PLAGL1: variants seen among roughly 807,000 people sequenced by gnomAD.
The protein encoded by PLAGL1 is zinc finger protein PLAGL1.
A neutral mutation model predicts 4.6 loss-of-function variants in PLAGL1; 1 was observed. The observed-to-expected ratio is 0.22, with a 90% CI of 0.08 to 1.03. The LOEUF (loss-of-function observed/expected upper bound fraction) is 1.03, where lower values mean the gene tolerates loss of function less well. Ranked by LOEUF, PLAGL1 falls within the 50% of genes least tolerant of loss-of-function variation. The pLI is 0.58. For synonymous variants in PLAGL1, 240 were observed against 237.8 expected (o/e 1.01, Z -0.08); for missense variants, 464 against 570.4 (o/e 0.81, Z 1.90).
upstream of PLAGL1, among the ~76,000 whole-genome samples, chr6:144,012,083 G>A (rs916174100): frequency 1.3e-5 from 2 of 152,134 alleles, no homozygotes; most frequent in Non-Finnish European, 2.9e-5. This position sits in a 1 kb window ranked among gnomAD's most constrained non-coding sequence, Gnocchi z 4.8. Context: ...GACAAAGCAC[G>A]CCTCCATAGA....
chr6:144,017,023 GC>G (rs1440778687), intron 1 of PLAGL1, among the ~76,000 whole-genome samples: 1 of 151,968 alleles, frequency 6.6e-6, no homozygotes. Flanking sequence ...ATAATAGTAA[GC>G]AGCCACAGAG....
Position 143,973,486 on chromosome 6 carries a change from A to C in PLAGL1, c.-543-4508T>G, listed in dbSNP as rs989502292. On this transcript the variant is annotated intron_variant, in intron 2 of 7. Transcript: ENST00000674357. The surrounding 1 kb of genome is among the most constrained non-coding windows in gnomAD (Gnocchi z 6.2). ...GAGGGAGAAAACAAGCACGGGGGGA[A>C]GTCCTCTGCTTCTAGGGCCTGCTGA... is the stretch of plus-strand genomic sequence containing the variant. Among the ~76,000 whole-genome samples, 1 of 152,180 alleles carries C rather than the reference A, an allele frequency of 6.6e-6. No individual in the cohort carries two copies. Among genetic ancestry groups the C allele is most frequent in the African/African-American group, 2.4e-5 (1 of 41,454 alleles).
At position 143,948,077 on chromosome 6, in the gene PLAGL1, C is replaced by T. The variant is rs201628824; in HGVS notation, c.60G>A (p.Thr20=). 61 of 1,613,858 alleles carry T rather than the reference C, an allele frequency of 3.8e-5. No individual in the cohort carries two copies. The highest frequency in any genetic ancestry group is 1.6e-4 in the South Asian group (15 of 91,082). The stretch of plus-strand genomic sequence containing the variant: ...CCCTGGAGTGGGAATAATTGTGAAT[C>T]GTGAACTTCTCCAGGGTGAGGAACG... ...GKTFLTLEKF[T]IHNYSHSRER... Residue 20 remains threonine, a synonymous_variant, in exon 7 of 8, where the codon ACG becomes ACA. Transcript: ENST00000674357. The surrounding 1 kb of genome is among the most constrained non-coding windows in gnomAD (Gnocchi z 6.0).
intron 6 of PLAGL1, among the ~76,000 whole-genome samples, chr6:143,956,112 C>T (rs746793645): frequency 1.3e-5 from 2 of 152,326 alleles, no homozygotes; most frequent in Admixed American, 6.5e-5. Context: ...CTAACTTATA[C>T]AGGCGATTTT....
chr6:143,970,673 T>C lies in PLAGL1; in HGVS notation c.-543-1695A>G, dbSNP rs1412102831. ...TACTAGGAAGTTAGCTTACGTAGAT[T>C]AACACACATGTAAACACAGAGACAT... On this transcript the variant is annotated intron_variant, in intron 2 of 7. Transcript: ENST00000674357. The surrounding 1 kb of genome is among the most constrained non-coding windows in gnomAD (Gnocchi z 5.8). Among the ~76,000 whole-genome samples the C allele has an allele frequency of 6.6e-6, 1 of 152,212 alleles. No homozygotes were observed. The highest frequency in any genetic ancestry group is 1.5e-5 in the Non-Finnish European group (1 of 68,028).
intron 1 of PLAGL1, among the ~76,000 whole-genome samples, chr6:143,986,451 G>A (rs533022314): frequency 3.3e-5 from 5 of 152,088 alleles, no homozygotes; most frequent in Admixed American, 1.3e-4. Flanking sequence ...CTTAACATTC[G>A]TTGGGGATTG....
chr6:143,969,971 T>C (rs1048202911), intron 2 of PLAGL1, among the ~76,000 whole-genome samples: 1 of 152,080 alleles, frequency 6.6e-6, no homozygotes, highest in African/African-American at 2.4e-5. Flanking sequence ...TGAAAAGAGA[T>C]GGAAATATAG....
In PLAGL1 at chr6:143,958,198, T is replaced by A. The variant is rs1402082775; in HGVS notation, c.-325+2271A>T. 6.6e-6 allele frequency among the ~76,000 whole-genome samples: 1 copy of A among 152,328 alleles called. No homozygotes were observed. The highest frequency in any genetic ancestry group is 2.4e-5 in the African/African-American group (1 of 41,574). The stretch of plus-strand genomic sequence containing the variant: ...AAAGTGAGGATGTCCCATCTACAGA[T>A]GAATTGCAGAGAGGAAAAAGTTACA... On this transcript the variant is annotated intron_variant, in intron 6 of 7. Coordinates refer to ENST00000674357, the MANE Select transcript of PLAGL1 (RefSeq NM_001317162.2). This position sits in a 1 kb window ranked among gnomAD's most constrained non-coding sequence, Gnocchi z 5.1.
intron 1 of PLAGL1, among the ~76,000 whole-genome samples, chr6:144,033,859 G>GA (rs992055557): frequency 3.3e-5 from 5 of 152,084 alleles, no homozygotes; most frequent in Non-Finnish European, 7.4e-5. Flanking sequence ...CATAACTAGA[G>GA]AAAAAAATCT....
rs1797097626 is a variant in PLAGL1 at position 144,034,759 on chromosome 6, C to G, written c.-151+29709G>C. Among the ~76,000 whole-genome samples the G allele has an allele frequency of 6.6e-6, 1 of 152,076 alleles. No homozygotes were observed. Among genetic ancestry groups the G allele is most frequent in the Non-Finnish European group, 1.5e-5 (1 of 68,008 alleles). On this transcript the variant is annotated intron_variant, in intron 1 of 3. Transcript: ENST00000437412. This position sits in a 1 kb window ranked among gnomAD's most constrained non-coding sequence, Gnocchi z 4.7. ...AAAAATCTTCCTTGGAGGGGACTGT[C>G]ATCTTACATAGCTGACAGTAATTTT...
Position 144,005,901 on chromosome 6 carries a change from C to T in PLAGL1, c.-584+2189G>A, listed in dbSNP as rs1794068847. 1.3e-5 allele frequency: 2 copies of T among 151,846 alleles called. No homozygotes were observed. Among genetic ancestry groups the T allele is most frequent in the Non-Finnish European group, 1.5e-5 (1 of 67,928 alleles). 9.4% of individuals were successfully genotyped at this position (151,846 alleles called of 1,614,324 possible). On this transcript the variant is annotated intron_variant, in intron 1 of 7. Coordinates refer to ENST00000674357, the MANE Select transcript of PLAGL1 (RefSeq NM_001317162.2). This position sits in a 1 kb window ranked among gnomAD's most constrained non-coding sequence, Gnocchi z 4.6. Reference sequence around the variant, plus strand: ...AATACAATATGTTAGCATTTTAAAACGCTGAAAGTCTGTAAAGTTCTGTGA... The same window carrying T: ...AATACAATATGTTAGCATTTTAAAATGCTGAAAGTCTGTAAAGTTCTGTGA...
In PLAGL1 at chr6:144,055,273, C is replaced by G. The variant is rs1798883526; in HGVS notation, c.-151+9195G>C. ...AGCTTACCGAGTGCTTAGTTCAACA[C>G]TTTCATTTTACATATAAGGAAGCAG... is the stretch of plus-strand genomic sequence containing the variant. On this transcript the variant is annotated intron_variant, in intron 1 of 3. Coordinates refer to the PLAGL1 transcript ENST00000437412. The surrounding 1 kb of genome is among the most constrained non-coding windows in gnomAD (Gnocchi z 5.0). 6.6e-6 allele frequency among the ~76,000 whole-genome samples: 1 copy of G among 152,132 alleles called. No homozygotes were observed. The highest frequency in any genetic ancestry group is 1.5e-5 in the Non-Finnish European group (1 of 68,036).
upstream of PLAGL1, chr6:144,008,893 G>A (rs1191448421): frequency 6.6e-6 from 1 of 152,170 alleles, no homozygotes; most frequent in Non-Finnish European, 1.5e-5. The surrounding 1 kb of genome is among the most constrained non-coding windows in gnomAD (Gnocchi z 6.9). Flanking sequence ...GACGCAGAAA[G>A]GGTAGACAGA....
Position 143,949,665 on chromosome 6 carries a change from T to C in PLAGL1, c.-324-1205A>G, listed in dbSNP as rs1223001027. Among the ~76,000 whole-genome samples the C allele has an allele frequency of 6.6e-6, 1 of 152,078 alleles. No homozygotes were observed. Among genetic ancestry groups the C allele is most frequent in the Non-Finnish European group, 1.5e-5 (1 of 68,020 alleles). On this transcript the variant is annotated intron_variant, in intron 6 of 7. Coordinates refer to ENST00000674357, the MANE Select transcript of PLAGL1 (RefSeq NM_001317162.2). This position sits in a 1 kb window ranked among gnomAD's most constrained non-coding sequence, Gnocchi z 5.3. ...TGCCAATACTTAAAAAAATTAAGAG[T>C]ACTGTATGCTTAGGTGAAGTACACT...
chr6:144,038,701 A>T (rs1163613583), intron 1 of PLAGL1, among the ~76,000 whole-genome samples: 1 of 152,258 alleles, frequency 6.6e-6, no homozygotes, highest in Non-Finnish European at 1.5e-5. Context: ...CTTTGAAAAC[A>T]TTATACTGTG....
At position 143,975,705 on chromosome 6, in the gene PLAGL1, G is replaced by C. The variant is rs145125574; in HGVS notation, c.-543-6727C>G. On this transcript the variant is annotated intron_variant, in intron 2 of 7. Coordinates refer to ENST00000674357, the MANE Select transcript of PLAGL1 (RefSeq NM_001317162.2). The surrounding 1 kb of genome is among the most constrained non-coding windows in gnomAD (Gnocchi z 5.8). The stretch of plus-strand genomic sequence containing the variant: ...GAACCAAGATCAAACTATTATAAAA[G>C]AGAAAGAAGCTACTTTACAAAACAG... 6.6e-6 allele frequency among the ~76,000 whole-genome samples: 1 copy of C among 152,280 alleles called. No individual in the cohort carries two copies. Among genetic ancestry groups the C allele is most frequent in the Admixed American group, 6.5e-5 (1 of 15,296 alleles).
rs541480145 is a variant in PLAGL1 at position 143,997,305 on chromosome 6, C to T, written c.-584+10785G>A. ...AGATTTGTTCCTTGGCAAAATACTG[C>T]AAATGTCCACCAAAAGACTTGTGAA... On this transcript the variant is annotated intron_variant, in intron 1 of 7. Coordinates refer to ENST00000674357, the MANE Select transcript of PLAGL1 (RefSeq NM_001317162.2). This position sits in a 1 kb window ranked among gnomAD's most constrained non-coding sequence, Gnocchi z 4.6. 2.0e-5 allele frequency among the ~76,000 whole-genome samples: 3 copies of T among 152,290 alleles called. No homozygotes were observed. The South Asian group carries it at 6.2e-4, about 32-fold the overall frequency.
intron 2 of PLAGL1, among the ~76,000 whole-genome samples, chr6:143,976,479 C>T (rs1444500546): frequency 5.3e-5 from 8 of 152,010 alleles, no homozygotes; most frequent in Non-Finnish European, 1.2e-4. Context: ...ATACCTAAGG[C>T]ACCTTCTCAT....
Position 144,013,542 on chromosome 6 carries a change from T to C in PLAGL1, c.-150-44564A>G, listed in dbSNP as rs955454643. ...GTGGCATAAAACATGAAATTTATTT[T>C]CTGAGTCCGAAAGGCCAGAAGTCTG... On this transcript the variant is annotated intron_variant, in intron 1 of 3. Coordinates refer to the PLAGL1 transcript ENST00000437412. The surrounding 1 kb of genome is among the most constrained non-coding windows in gnomAD (Gnocchi z 4.4). Among the ~76,000 whole-genome samples the C allele has an allele frequency of 2.0e-5, 3 of 152,230 alleles. No homozygotes were observed. Among genetic ancestry groups the C allele is most frequent in the African/African-American group, 7.2e-5 (3 of 41,448 alleles).
Sources: gnomAD v4.1 joint callset for allele counts (sites outside exome capture counted in the v4.1 genomes callset) on GRCh38, gnomAD v4.1.1 for gene constraint, Gnocchi (gnomAD v3.1) non-coding constraint, MANE v1.5 for transcripts, NCBI Gene and HGNC (gene_info 2026-07-23, HGNC 2026-07-21) for gene names.